Variants in TMEM268 observed in about 807,000 individuals in gnomAD.
TMEM268 encodes transmembrane protein C9orf91.
A neutral mutation model predicts 39.1 loss-of-function variants in TMEM268; 24 were observed. That is an observed-to-expected ratio of 0.61 (90% confidence interval 0.44 to 0.86). The LOEUF (loss-of-function observed/expected upper bound fraction) is 0.86. Among genes scored for constraint, TMEM268 ranks in the 40% least tolerant of loss-of-function variants. The probability of loss-of-function intolerance (pLI) is 0.00; values close to 1 mark genes in which losing one functional copy is unlikely to be tolerated. For missense variants in TMEM268, 409 were observed against 428.6 expected, an observed-to-expected ratio of 0.95 and a Z score of 0.40; for synonymous variants, 176 against 173.5, an observed-to-expected ratio of 1.01 and a Z score of -0.12.
rs766653857 is a variant in TMEM268, at chr9:114,628,075, C to T, written c.325-26C>T. 6 of 1,609,748 alleles carry T rather than the reference C, an allele frequency of 3.7e-6. No individual in the cohort carries two copies. In the East Asian group the frequency reaches 1.1e-4, roughly 30 times the overall value. ...TTATGCAAGGACTGAAGTTCCTGACCATGCTCTCTGTCTGGCATCTTGCAG... is the reference window on the plus strand; with the variant it reads ...TTATGCAAGGACTGAAGTTCCTGACTATGCTCTCTGTCTGGCATCTTGCAG... On this transcript the variant is annotated intron_variant, in intron 4 of 8. Coordinates refer to ENST00000288502, the MANE Select transcript of TMEM268 (RefSeq NM_153045.4).
upstream of TMEM268, among the ~76,000 whole-genome samples, chr9:114,608,560 T>G (rs1035617127): frequency 6.6e-6 from 1 of 152,140 alleles, no homozygotes; most frequent in Non-Finnish European, 1.5e-5. Flanking sequence ...GGCAACCTTG[T>G]TGGAGAGGTA....
intron 3 of TMEM268, 89 bp downstream of exon 3, chr9:114,624,548 A>T: frequency 6.6e-7 from 1 of 1,507,332 alleles, no homozygotes. Flanking sequence ...CAAAATCTTT[A>T]TGAAACAGTC....
chr9:114,638,843 C>A, intron 8 of TMEM268, 117 bp downstream of exon 8: 2 of 662,508 alleles, frequency 3.0e-6, no homozygotes, highest in South Asian at 3.3e-5. Flanking sequence ...TAGTAGACAC[C>A]ACACAAATCT....
chr9:114,640,582 G>A (rs1846861232), intron 8 of TMEM268, among the ~76,000 whole-genome samples: 3 of 152,232 alleles, frequency 2.0e-5, no homozygotes, highest in Non-Finnish European at 2.9e-5. Flanking sequence ...GTAAGCCCAT[G>A]GCAGAAGCCA....
chr9:114,626,991 G>T lies in TMEM268; in HGVS notation c.309G>T (p.Arg103=), dbSNP rs758536206. The T allele has an allele frequency of 1.9e-6, 3 of 1,611,668 alleles. No individual in the cohort carries two copies. Among genetic ancestry groups the T allele is most frequent in the Non-Finnish European group, 2.5e-6 (3 of 1,177,976 alleles). Residue 103 remains arginine (R), a synonymous_variant, in exon 4 of 9, where the codon CGG becomes CGT. Transcript: ENST00000288502. Reference sequence around the variant, plus strand: ...TCATCTACAACTCGAGGCCTATGCGGCTGGCCTTTGCTGTGGTAAGGGGGA... The same window carrying T: ...TCATCTACAACTCGAGGCCTATGCGTCTGGCCTTTGCTGTGGTAAGGGGGA... ...RYIIYNSRPM[R]LAFAVVFYVV...
chr9:114,622,157 A>G (rs1441021550), intron 2 of TMEM268: 1 of 985,274 alleles, frequency 1.0e-6, no homozygotes, highest in Non-Finnish European at 1.2e-6. Context: ...TGGATAGGCC[A>G]GGAATTTCCT....
upstream of TMEM268, among the ~76,000 whole-genome samples, chr9:114,607,553 G>A (rs7042050): frequency 0.47 from 71,901 of 151,990 alleles, 17,139 homozygotes; most frequent in Admixed American, 0.53. Flanking sequence ...TACTTGGGAG[G>A]CTGAGGTGGG....
At chr9:114,625,885 G>T (rs1440460407) in intron 3 of TMEM268, among the ~76,000 whole-genome samples, 1 of 151,998 alleles carries the variant, frequency 6.6e-6, no homozygotes, top group East Asian at 1.9e-4. Flanking sequence ...GGAGTACAGT[G>T]GTGTGATCTC....
At chr9:114,612,602 C>T (rs1223403040) in intron 1 of TMEM268, among the ~76,000 whole-genome samples, 1 of 152,218 alleles carries the variant, frequency 6.6e-6, no homozygotes, top group African/African-American at 2.4e-5. Context: ...GCAAGGTGAC[C>T]ACACAGGCTG....
chr9:114,631,282 C>CAAAAAAAA (rs3035421), intron 5 of TMEM268, among the ~76,000 whole-genome samples: 1 of 130,182 alleles, frequency 7.7e-6, no homozygotes, highest in African/African-American at 3.0e-5. Context: ...CAGCCTGCCT[C>CAAAAAAAA]AAAAAAAAAA....
chr9:114,621,877 C>T (rs576125383), intron 2 of TMEM268, among the ~76,000 whole-genome samples: 31 of 152,132 alleles, frequency 2.0e-4, no homozygotes, highest in Non-Finnish European at 4.1e-4. Flanking sequence ...GCTGGAAGAA[C>T]GTGGTAACAA....
upstream of TMEM268, among the ~76,000 whole-genome samples, chr9:114,610,291 G>A (rs1310583367): frequency 6.6e-6 from 1 of 152,048 alleles, no homozygotes; most frequent in Admixed American, 6.6e-5. Context: ...CTCCCGCCTC[G>A]GCCTCCCAAA....
chr9:114,637,137 T>G (rs1846672815), intron 7 of TMEM268, 67 bp downstream of exon 7: 2 of 1,048,000 alleles, frequency 1.9e-6, no homozygotes, highest in Non-Finnish European at 3.0e-6. Context: ...TTTCATTATC[T>G]TAAGGGTGGG....
Position 114,636,880 on chromosome 9 carries a change from A to G in TMEM268, c.586-110A>G, listed in dbSNP as rs530223825. 34 of 689,610 alleles carry G rather than the reference A, an allele frequency of 4.9e-5. No individual in the cohort carries two copies. The South Asian group carries it at 5.9e-4, about 12-fold the overall frequency. The allele number at this position is 689,610 out of a possible 1,614,324, so 42.7% of individuals were successfully genotyped here. A position where few individuals can be genotyped will look rare whatever the true frequency, so the allele number is the denominator to read the frequency against. Reference sequence around the variant, plus strand: ...CAAATGAGACATTGTCATGGTGCCAAATGGCACCTTCCTGCCAGACAGCAG... The same window carrying G: ...CAAATGAGACATTGTCATGGTGCCAGATGGCACCTTCCTGCCAGACAGCAG... On this transcript the variant is annotated intron_variant, in intron 6 of 8. Transcript: ENST00000288502.
At chr9:114,609,753 A>G (rs867215509), upstream of TMEM268, among the ~76,000 whole-genome samples, 23 of 142,286 alleles carry the variant, frequency 1.6e-4, no homozygotes, top group Non-Finnish European at 3.6e-4. Context: ...GAAAGAAAGA[A>G]AGAAAGAAAG....
chr9:114,615,241 A>G (rs1845658157), intron 1 of TMEM268, among the ~76,000 whole-genome samples: 2 of 152,072 alleles, frequency 1.3e-5, no homozygotes, highest in Admixed American at 6.6e-5. Flanking sequence ...GGTTCCTGCT[A>G]CGCCTCTCAA....
rs747000201 is a variant in TMEM268, at chr9:114,624,694, C to T, written c.216+235C>T. ...TGTGCCAGGCACTTAACTGGCTAAACATAATAGGGGTGGACAGGACACAGT... is the reference window on the plus strand; with the variant it reads ...TGTGCCAGGCACTTAACTGGCTAAATATAATAGGGGTGGACAGGACACAGT... On this transcript the variant is annotated intron_variant, in intron 3 of 8. Coordinates refer to ENST00000288502, the MANE Select transcript of TMEM268 (RefSeq NM_153045.4). 1.8e-4 allele frequency among the ~76,000 whole-genome samples: 28 copies of T among 152,180 alleles called. 1 individual carries two copies. Among genetic ancestry groups the T allele is most frequent in the Admixed American group, 9.8e-4 (15 of 15,284 alleles).
At chr9:114,626,469 A>C (rs1281846025) in intron 3 of TMEM268, among the ~76,000 whole-genome samples, 1 of 152,198 alleles carries the variant, frequency 6.6e-6, no homozygotes, top group Non-Finnish European at 1.5e-5. Context: ...AGCACTGTAC[A>C]TGTATTATTT....
chr9:114,640,359 C>G (rs969365615), intron 8 of TMEM268, among the ~76,000 whole-genome samples: 4 of 152,016 alleles, frequency 2.6e-5, no homozygotes, highest in Non-Finnish European at 4.4e-5. Flanking sequence ...TCAACCTGGG[C>G]CAGATGGTCA....
Sources: gnomAD v4.1 joint callset for allele counts (sites outside exome capture counted in the v4.1 genomes callset) on GRCh38, gnomAD v4.1.1 for gene constraint, MANE v1.5 for transcripts, NCBI Gene and HGNC (gene_info 2026-07-23, HGNC 2026-07-21) for gene names.